LMTK2: variants seen among roughly 807,000 people sequenced by gnomAD.
LMTK2 encodes serine/threonine-protein kinase LMTK2.
In LMTK2, 37 loss-of-function variants were observed where a neutral mutation model predicts 127.5. The observed-to-expected ratio is 0.29, with a 90% CI of 0.22 to 0.38. The LOEUF (loss-of-function observed/expected upper bound fraction) is 0.38. Ranked by LOEUF, LMTK2 falls within the 10% of genes least tolerant of loss-of-function variation. The pLI, the probability that LMTK2 is intolerant of heterozygous loss-of-function variation, is 1.00. For missense variants in LMTK2, 1,694 were observed against 1,920.3 expected, an observed-to-expected ratio of 0.88 and a Z score of 2.20; for synonymous variants, 819 against 810.1, an observed-to-expected ratio of 1.01 and a Z score of -0.19.
Position 98,193,621 on chromosome 7 carries a change from A to G in LMTK2, c.3156A>G (p.Ala1052=), listed in dbSNP as rs754977556. 5 of 1,613,878 alleles carry G rather than the reference A, an allele frequency of 3.1e-6. No individual in the cohort carries two copies. The African/African-American group carries it at 5.3e-5, about 17-fold the overall frequency. ...WTLHPAPEGT[A]DSEPATTGDG... is the part of the protein sequence containing the mutation. The stretch of plus-strand genomic sequence containing the variant: ...TGCATCCCGCTCCCGAGGGCACCGC[A>G]GACTCAGAACCAGCCACCACGGGCG... Residue 1052 remains alanine, a synonymous_variant, in exon 11 of 14, where the codon GCA becomes GCG. Transcript: ENST00000297293. The surrounding 1 kb of genome is among the most constrained non-coding windows in gnomAD (Gnocchi z 4.1).
At chr7:98,151,592 CT>C in intron 4 of LMTK2, 137 bp downstream of exon 4, 1 of 659,426 alleles carries the variant, frequency 1.5e-6, no homozygotes, top group African/African-American at 1.8e-5. Flanking sequence ...CCCATTCCCC[CT>C]GTGGCAGCGT....
chr7:98,179,379 C>A (rs1797318913), intron 7 of LMTK2, among the ~76,000 whole-genome samples: 1 of 152,166 alleles, frequency 6.6e-6, no homozygotes. Context: ...GCTCCTTGTT[C>A]TGGTCTCAGG....
chr7:98,125,417 T>G (rs958081946), intron 1 of LMTK2, among the ~76,000 whole-genome samples: 7 of 152,362 alleles, frequency 4.6e-5, no homozygotes, highest in Admixed American at 2.6e-4. Context: ...GTGCAGGGAC[T>G]TTGTTTTTTT....
chr7:98,140,383 C>G (rs62479797), intron 2 of LMTK2, among the ~76,000 whole-genome samples: 32,715 of 151,402 alleles, frequency 0.22, 3,707 homozygotes, highest in South Asian at 0.38. Context: ...AGCTCTCGGG[C>G]TCAAGTGATC....
chr7:98,203,609 A>G lies in LMTK2; in HGVS notation c.4143A>G (p.Gly1381=), dbSNP rs771821849. The G allele has an allele frequency of 4.4e-6, 7 of 1,607,798 alleles. No homozygotes were observed. The South Asian group carries it at 7.7e-5, about 18-fold the overall frequency. Residue 1381 remains glycine, a synonymous_variant, in exon 12 of 14, where the codon GGA becomes GGG. Coordinates refer to ENST00000297293, the MANE Select transcript of LMTK2 (RefSeq NM_014916.4). ...CCAAAGAGCTGGGGCCCTGTGGAGG[A>G]GAGGCGTGCGGCCCGGACCTGAGCG... ...TPTKELGPCG[G]EACGPDLSGP... is the part of the protein sequence containing the mutation.
At chr7:98,159,519 A>G in intron 6 of LMTK2, 94 bp downstream of exon 6, 1 of 814,410 alleles carries the variant, frequency 1.2e-6, no homozygotes. Flanking sequence ...GGTTGCTTTC[A>G]TGTCTGTCCC....
chr7:98,198,114 A>T (rs1797655101), intron 11 of LMTK2, among the ~76,000 whole-genome samples: 1 of 142,426 alleles, frequency 7.0e-6, no homozygotes, highest in African/African-American at 2.6e-5. Context: ...CTTTGTCTTT[A>T]TTATTTCCTT....
At chr7:98,161,140 CTT>C (rs1797009831) in intron 6 of LMTK2, among the ~76,000 whole-genome samples, 1 of 151,700 alleles carries the variant, frequency 6.6e-6, no homozygotes, top group Admixed American at 6.6e-5. Flanking sequence ...TACAATTTTT[CTT>C]TTTTGCTTTT....
chr7:98,112,450 C>T (rs750030690), intron 1 of LMTK2, among the ~76,000 whole-genome samples: 1 of 152,224 alleles, frequency 6.6e-6, no homozygotes, highest in Non-Finnish European at 1.5e-5. Context: ...GCCACTAGCT[C>T]CCTGTGGATG....
chr7:98,203,613 G>A lies in LMTK2; in HGVS notation c.4147G>A (p.Ala1383Thr), dbSNP rs145430337. Residue 1383 changes from alanine to threonine, a missense_variant, in exon 12 of 14, where the codon GCG (alanine) becomes ACG (threonine). Around this residue, in one of 8 missense-constraint regions of LMTK2, gnomAD observed 554 missense variants for 567.7 expected, o/e 0.98. Coordinates refer to ENST00000297293, the MANE Select transcript of LMTK2 (RefSeq NM_014916.4). ...AGAGCTGGGGCCCTGTGGAGGAGAG[G>A]CGTGCGGCCCGGACCTGAGCGGCCC... ...TKELGPCGGE[A>T]CGPDLSGPAP... is the part of the protein sequence containing the mutation. 1 of 1,609,390 alleles carries A rather than the reference G, an allele frequency of 6.2e-7. No individual in the cohort carries two copies. The highest frequency in any genetic ancestry group is 1.3e-5 in the African/African-American group (1 of 74,570).
At chr7:98,144,758 T>G (rs1796745820) in intron 3 of LMTK2, among the ~76,000 whole-genome samples, 1 of 152,074 alleles carries the variant, frequency 6.6e-6, no homozygotes, top group Admixed American at 6.6e-5. Context: ...TTTTTTTTTT[T>G]TTTACTCAAA....
chr7:98,179,586 CCTCCTTCCCTCT>C (rs1163387739), intron 7 of LMTK2, among the ~76,000 whole-genome samples: 5 of 137,286 alleles, frequency 3.6e-5, no homozygotes, highest in Admixed American at 8.4e-5. Flanking sequence ...TCCCTCTCTC[CCTCCTTCCCTCT>C]CTCCCTCCCT....
intron 1 of LMTK2, among the ~76,000 whole-genome samples, chr7:98,125,764 T>A (rs778795127): frequency 2.6e-5 from 4 of 152,258 alleles, no homozygotes; most frequent in Non-Finnish European, 4.4e-5. Flanking sequence ...CTGTAGAACC[T>A]TGTCAAGGTC....
intron 3 of LMTK2, among the ~76,000 whole-genome samples, chr7:98,149,781 CT>C (rs982885999): frequency 1.3e-5 from 2 of 152,060 alleles, no homozygotes; most frequent in African/African-American, 4.8e-5. Flanking sequence ...AAATTAAAAG[CT>C]TTTTGGAAAT....
At chr7:98,183,349 T>TA (rs1797381692) in intron 7 of LMTK2, among the ~76,000 whole-genome samples, 1 of 152,214 alleles carries the variant, frequency 6.6e-6, no homozygotes, top group African/African-American at 2.4e-5. Flanking sequence ...TACAACCCCT[T>TA]ATCTTAACCC....
chr7:98,197,894 GT>G (rs1797651470), intron 11 of LMTK2, among the ~76,000 whole-genome samples: 1 of 152,072 alleles, frequency 6.6e-6, no homozygotes, highest in Non-Finnish European at 1.5e-5. Context: ...CTCCACCTAG[GT>G]TTTTTTGGTT....
chr7:98,163,541 A>G (rs555509582), intron 6 of LMTK2, among the ~76,000 whole-genome samples: 19 of 152,280 alleles, frequency 1.2e-4, no homozygotes, highest in African/African-American at 4.6e-4. Flanking sequence ...GTAAACTTGA[A>G]AAGGAACAGG....
chr7:98,190,007 C>CAAA lies in LMTK2; in HGVS notation c.999-711_999-709dup, dbSNP rs5886053. ...GTTGTTAATAGGTGTATTTTTCTAC[C>CAAA]AAAAAAAAAAAATCAGAATTCAGGG... On this transcript the variant is annotated intron_variant, in intron 9 of 13. Coordinates refer to ENST00000297293, the MANE Select transcript of LMTK2 (RefSeq NM_014916.4). 7.7e-5 allele frequency among the ~76,000 whole-genome samples: 11 copies of CAAA among 143,294 alleles called. No individual in the cohort carries two copies. In the East Asian group the frequency reaches 1.2e-3, roughly 16 times the overall value. 94.0% of individuals were successfully genotyped at this position (143,294 alleles called of 152,430 possible).
chr7:98,137,499 A>C, intron 2 of LMTK2, 57 bp downstream of exon 2: 1 of 1,539,510 alleles, frequency 6.5e-7, no homozygotes, highest in Non-Finnish European at 8.9e-7. Flanking sequence ...TTTCAATAGA[A>C]TAACTGGATA....
Sources: allele counts gnomAD v4.1 joint callset (sites outside exome capture counted in the v4.1 genomes callset), GRCh38; gene constraint gnomAD v4.1.1; regional missense constraint gnomAD v4.1.1; non-coding constraint Gnocchi (gnomAD v3.1); transcripts MANE v1.5; gene names NCBI Gene and HGNC (gene_info 2026-07-23, HGNC 2026-07-21).